The following KCNH7 variants were observed in gnomAD, a reference collection of about 807,000 sequenced individuals.
KCNH7 encodes the protein potassium voltage-gated channel subfamily H member 7.
KCNH7 carries 49 observed loss-of-function variants against 120.8 expected under a neutral mutation model. That is an observed-to-expected ratio of 0.41 (90% CI 0.32 to 0.51). KCNH7 has a LOEUF of 0.51. Ranked by LOEUF, KCNH7 falls within the 20% of genes least tolerant of loss-of-function variation. The pLI, the probability that KCNH7 is intolerant of heterozygous loss-of-function variation, is 0.38. For synonymous variants in KCNH7, 547 were observed against 516.1 expected, an observed-to-expected ratio of 1.06 and a Z score of -0.81; for missense variants, 1,097 against 1,446.6, an observed-to-expected ratio of 0.76 and a Z score of 3.92.
At chr2:162,474,174 G>C (rs1689656591) in intron 6 of KCNH7, among the ~76,000 whole-genome samples, 1 of 152,216 alleles carries the variant, frequency 6.6e-6, no homozygotes, top group Admixed American at 6.5e-5. Flanking sequence ...CATGAGGTTA[G>C]CAAACTTTCC....
chr2:162,747,484 T>C (rs1234905960), intron 2 of KCNH7, among the ~76,000 whole-genome samples: 2 of 152,172 alleles, frequency 1.3e-5, no homozygotes, highest in Non-Finnish European at 2.9e-5. Context: ...TTGCTTCTTG[T>C]TGATGTGTTT....
chr2:162,662,195 G>A lies in KCNH7; in HGVS notation c.308-125115C>T, dbSNP rs370455604. ...GGAGAATCGCTTGAACCCAGGAGGTGGAGGTTGCAGTGAGCCACAATCGCG... is the reference window on the plus strand; with the variant it reads ...GGAGAATCGCTTGAACCCAGGAGGTAGAGGTTGCAGTGAGCCACAATCGCG... On this transcript the variant is annotated intron_variant, in intron 2 of 15. Coordinates refer to ENST00000332142, the MANE Select transcript of KCNH7 (RefSeq NM_033272.4). 1.1e-4 allele frequency among the ~76,000 whole-genome samples: 16 copies of A among 152,194 alleles called. No individual in the cohort carries two copies. The East Asian group carries it at 2.3e-3, about 22-fold the overall frequency.
At chr2:162,488,853 G>C (rs183751905) in intron 6 of KCNH7, among the ~76,000 whole-genome samples, 1 of 152,100 alleles carries the variant, frequency 6.6e-6, no homozygotes, top group East Asian at 1.9e-4. Flanking sequence ...CCGGCATAAC[G>C]AACATATAAA....
At chr2:162,496,345 A>G (rs1219609090) in intron 6 of KCNH7, among the ~76,000 whole-genome samples, 1 of 152,134 alleles carries the variant, frequency 6.6e-6, no homozygotes, top group Non-Finnish European at 1.5e-5. Context: ...TGCAGATAAG[A>G]GAACTTACAC....
At chr2:162,529,377 T>C (rs1459805704) in intron 3 of KCNH7, among the ~76,000 whole-genome samples, 1 of 151,868 alleles carries the variant, frequency 6.6e-6, no homozygotes, top group Non-Finnish European at 1.5e-5. Context: ...ACATGGAATG[T>C]AAAAGAAGGG....
At chr2:162,724,153 T>G (rs1687429611) in intron 2 of KCNH7, among the ~76,000 whole-genome samples, 1 of 152,172 alleles carries the variant, frequency 6.6e-6, no homozygotes, top group South Asian at 2.1e-4. Flanking sequence ...CTACTCTGTG[T>G]ATGTGTGTGT....
At chr2:162,375,017 G>A (rs1686111153) in intron 14 of KCNH7, among the ~76,000 whole-genome samples, 1 of 151,998 alleles carries the variant, frequency 6.6e-6, no homozygotes, top group South Asian at 2.1e-4. Flanking sequence ...ACTGTTATGT[G>A]TTATACATAT....
chr2:162,695,567 T>A (rs1251797981), intron 2 of KCNH7, among the ~76,000 whole-genome samples: 1 of 152,196 alleles, frequency 6.6e-6, no homozygotes, highest in Non-Finnish European at 1.5e-5. Flanking sequence ...CTGATGACCC[T>A]GAGAATCCCA....
chr2:162,760,928 T>G (rs1368509938), intron 2 of KCNH7, among the ~76,000 whole-genome samples: 1 of 152,132 alleles, frequency 6.6e-6, no homozygotes, highest in Non-Finnish European at 1.5e-5. Context: ...AATACATTAT[T>G]TACGTGTAGA....
At chr2:162,470,171 G>T (rs1443535191) in intron 6 of KCNH7, among the ~76,000 whole-genome samples, 1 of 150,874 alleles carries the variant, frequency 6.6e-6, no homozygotes, top group East Asian at 2.0e-4. Flanking sequence ...GCCGCCCATC[G>T]TCTGGGATGT....
At chr2:162,576,701 T>C (rs985499001) in intron 2 of KCNH7, among the ~76,000 whole-genome samples, 8 of 151,846 alleles carry the variant, frequency 5.3e-5, no homozygotes, top group Admixed American at 4.6e-4. Flanking sequence ...AAACAAGTGG[T>C]AAAACATACA....
At chr2:162,730,399 C>T (rs1357414193) in intron 2 of KCNH7, among the ~76,000 whole-genome samples, 2 of 148,216 alleles carry the variant, frequency 1.3e-5, no homozygotes, top group Admixed American at 1.4e-4. Flanking sequence ...AATGGGAAAT[C>T]AACAAAACTA....
At chr2:162,593,016 A>G (rs1574144511) in intron 2 of KCNH7, among the ~76,000 whole-genome samples, 1 of 152,128 alleles carries the variant, frequency 6.6e-6, no homozygotes, top group East Asian at 1.9e-4. Flanking sequence ...TCTAAGTTAT[A>G]TTTTAAAGGA....
chr2:162,758,102 T>C (rs564764435), intron 2 of KCNH7, among the ~76,000 whole-genome samples: 1 of 152,328 alleles, frequency 6.6e-6, no homozygotes, highest in Admixed American at 6.5e-5. Context: ...CCATGGGATC[T>C]GTTGTCGCTA....
chr2:162,708,251 A>G (rs1161361170), intron 2 of KCNH7, among the ~76,000 whole-genome samples: 1 of 152,048 alleles, frequency 6.6e-6, no homozygotes, highest in East Asian at 1.9e-4. Context: ...AGTCCTTAAG[A>G]CAAAGGAATG....
At chr2:162,502,659 T>C (rs1330730015) in intron 6 of KCNH7, among the ~76,000 whole-genome samples, 1 of 152,120 alleles carries the variant, frequency 6.6e-6, no homozygotes, top group African/African-American at 2.4e-5. Context: ...TATAGTAGAA[T>C]AACTTTCTCC....
At chr2:162,561,684 T>C (rs1232601369) in intron 2 of KCNH7, among the ~76,000 whole-genome samples, 1 of 152,206 alleles carries the variant, frequency 6.6e-6, no homozygotes, top group Non-Finnish European at 1.5e-5. Flanking sequence ...GTTGCATAAA[T>C]GTCTTCTTTT....
intron 2 of KCNH7, among the ~76,000 whole-genome samples, chr2:162,753,294 G>C (rs1249056132): frequency 6.6e-6 from 1 of 151,862 alleles, no homozygotes; most frequent in East Asian, 1.9e-4. Context: ...AGTTTGATGT[G>C]GAAGATACTC....
intron 2 of KCNH7, among the ~76,000 whole-genome samples, chr2:162,756,152 C>T (rs1027682973): frequency 6.6e-6 from 1 of 152,062 alleles, no homozygotes; most frequent in Non-Finnish European, 1.5e-5. Context: ...CAGTAAACAT[C>T]AAGAGACTGA....
Sources: allele counts gnomAD v4.1 joint callset (sites outside exome capture counted in the v4.1 genomes callset), GRCh38; gene constraint gnomAD v4.1.1; transcripts MANE v1.5; gene names NCBI Gene and HGNC (gene_info 2026-07-23, HGNC 2026-07-21).